DPP10: variants seen among roughly 807,000 people sequenced by gnomAD.
The protein encoded by DPP10 is inactive dipeptidyl peptidase 10.
In DPP10, 33 loss-of-function variants were observed where a neutral mutation model predicts 120.9. That is an observed-to-expected ratio of 0.27 (90% CI 0.21 to 0.37). The LOEUF is 0.37. DPP10 is among the 10% of genes least tolerant of loss of function. DPP10 has a pLI of 1.00. For missense variants in DPP10, 816 were observed against 942.8 expected, an observed-to-expected ratio of 0.87 and a Z score of 1.76; for synonymous variants, 337 against 326.1, an observed-to-expected ratio of 1.03 and a Z score of -0.36.
chr2:115,678,584 C>G (rs2090439596), intron 5 of DPP10, among the ~76,000 whole-genome samples: 1 of 152,142 alleles, frequency 6.6e-6, no homozygotes, highest in African/African-American at 2.4e-5. Context: ...CATGGAGAAC[C>G]TCTACTAGGG....
At chr2:114,643,026 T>C (rs999299897) in intron 1 of DPP10, among the ~76,000 whole-genome samples, 2 of 151,980 alleles carry the variant, frequency 1.3e-5, no homozygotes, top group Non-Finnish European at 2.9e-5. Context: ...CAGAAGCATA[T>C]GAGGTCCTGA....
At chr2:115,567,185 G>A (rs2081055985) in intron 5 of DPP10, among the ~76,000 whole-genome samples, 1 of 151,518 alleles carries the variant, frequency 6.6e-6, no homozygotes. Flanking sequence ...TCCCATGCTT[G>A]TAGATTCCAG....
At chr2:115,052,137 G>C (rs1485021985) in intron 1 of DPP10, among the ~76,000 whole-genome samples, 1 of 152,026 alleles carries the variant, frequency 6.6e-6, no homozygotes, top group Non-Finnish European at 1.5e-5. Context: ...AGAAAAACAA[G>C]GAGTTTGGGC....
intron 1 of DPP10, among the ~76,000 whole-genome samples, chr2:115,107,125 T>C (rs1276935292): frequency 6.6e-6 from 1 of 151,824 alleles, no homozygotes; most frequent in Non-Finnish European, 1.5e-5. Context: ...AATCACTAAT[T>C]AATGATGATC....
chr2:114,660,298 C>CA lies in DPP10; in HGVS notation c.60+217461dup, dbSNP rs1462853235. Among the ~76,000 whole-genome samples the CA allele has an allele frequency of 9.9e-5, 15 of 152,278 alleles. No homozygotes were observed. The South Asian group carries it at 2.9e-3, about 29-fold the overall frequency. On this transcript the variant is annotated intron_variant, in intron 1 of 25. Transcript: ENST00000410059. ...CATATATTAGCTGGAAAAAAAATTACACTTTTTTTTCTAAAAATATTATGT... is the reference window on the plus strand; with the variant it reads ...CATATATTAGCTGGAAAAAAAATTACAACTTTTTTTTCTAAAAATATTATGT...
intron 1 of DPP10, among the ~76,000 whole-genome samples, chr2:114,555,379 C>T (rs1688206308): frequency 6.6e-6 from 1 of 152,088 alleles, no homozygotes; most frequent in Non-Finnish European, 1.5e-5. Flanking sequence ...CTTCAAGGGT[C>T]TTATATTGTA....
At chr2:114,619,692 G>A (rs922868643) in intron 1 of DPP10, among the ~76,000 whole-genome samples, 7 of 152,024 alleles carry the variant, frequency 4.6e-5, no homozygotes, top group Admixed American at 2.6e-4. Context: ...GTCTATGATC[G>A]CCAGGTAGGG....
At chr2:114,521,968 C>A (rs1476157341) in intron 1 of DPP10, among the ~76,000 whole-genome samples, 1 of 137,198 alleles carries the variant, frequency 7.3e-6, no homozygotes, top group Admixed American at 7.5e-5. Context: ...CCACCGCGCC[C>A]GGCTAATTTT....
intron 1 of DPP10, among the ~76,000 whole-genome samples, chr2:114,626,749 G>A (rs936973447): frequency 6.6e-6 from 1 of 151,970 alleles, no homozygotes; most frequent in Non-Finnish European, 1.5e-5. Context: ...TATTTTAATA[G>A]GTATTTATTT....
At chr2:114,815,591 C>A (rs77674911) in intron 1 of DPP10, among the ~76,000 whole-genome samples, 1 of 152,202 alleles carries the variant, frequency 6.6e-6, no homozygotes, top group South Asian at 2.1e-4. Context: ...ATTATAGGAG[C>A]ATAACCTAGG....
chr2:114,689,872 A>G (rs1301375364), intron 1 of DPP10, among the ~76,000 whole-genome samples: 1 of 151,702 alleles, frequency 6.6e-6, no homozygotes, highest in Non-Finnish European at 1.5e-5. Context: ...GGCCGCGTGT[A>G]TGTCTTCTTT....
At chr2:114,820,557 A>G (rs1490864560) in intron 1 of DPP10, among the ~76,000 whole-genome samples, 1 of 152,134 alleles carries the variant, frequency 6.6e-6, no homozygotes, top group Non-Finnish European at 1.5e-5. Flanking sequence ...AGTTTAATTG[A>G]CTCACAGTGC....
At chr2:115,512,534 A>G (rs4255969) in intron 4 of DPP10, among the ~76,000 whole-genome samples, 32,094 of 151,542 alleles carry the variant, frequency 0.21, 3,867 homozygotes, top group East Asian at 0.39. Flanking sequence ...TTTACAGCTA[A>G]TAATTTCCCT....
intron 21 of DPP10, among the ~76,000 whole-genome samples, chr2:115,834,944 G>A (rs902082339): frequency 2.6e-5 from 4 of 152,038 alleles, no homozygotes; most frequent in Admixed American, 6.6e-5. Flanking sequence ...AAAATTAGCC[G>A]GGCTGGTGGC....
intron 5 of DPP10, among the ~76,000 whole-genome samples, chr2:115,595,619 TC>T (rs1381645118): frequency 6.6e-6 from 1 of 152,068 alleles, no homozygotes; most frequent in African/African-American, 2.4e-5. Flanking sequence ...GCCAACTTGA[TC>T]ACAAACAAAA....
At position 115,603,534 on chromosome 2, in the gene DPP10, C is replaced by T. The variant is rs1428499350; in HGVS notation, c.441+77562C>T. Among the ~76,000 whole-genome samples the T allele has an allele frequency of 4.8e-5, 7 of 147,310 alleles. No individual in the cohort carries two copies. The East Asian group carries it at 1.4e-3, about 30-fold the overall frequency. ...GAGCTGGGCTGGAACTTGGCCTCTC[C>T]ACTACTGTGTGTTTTCGTTGTTGTT... On this transcript the variant is annotated intron_variant, in intron 5 of 25. Transcript: ENST00000410059.
At chr2:115,209,244 T>C (rs916406994) in intron 1 of DPP10, among the ~76,000 whole-genome samples, 1 of 152,096 alleles carries the variant, frequency 6.6e-6, no homozygotes, top group African/African-American at 2.4e-5. Context: ...CTAAAACATA[T>C]TTTGCCTATC....
chr2:114,660,594 G>C (rs1697326655), intron 1 of DPP10, among the ~76,000 whole-genome samples: 1 of 152,174 alleles, frequency 6.6e-6, no homozygotes, highest in Non-Finnish European at 1.5e-5. Context: ...AAACTCATTA[G>C]AAAGTGACCT....
At chr2:115,449,931 G>A (rs540449069) in intron 3 of DPP10, among the ~76,000 whole-genome samples, 6 of 151,958 alleles carry the variant, frequency 3.9e-5, no homozygotes, top group South Asian at 4.1e-4. Context: ...TTTATTATTC[G>A]GAGACAAATA....
Sources: allele counts gnomAD v4.1 joint callset (sites outside exome capture counted in the v4.1 genomes callset), GRCh38; gene constraint gnomAD v4.1.1; transcripts MANE v1.5; gene names NCBI Gene and HGNC (gene_info 2026-07-23, HGNC 2026-07-21).